Variants in CCDC3 observed in about 807,000 individuals in gnomAD.
CCDC3 encodes coiled-coil domain-containing protein 3.
In CCDC3, 24 loss-of-function variants were observed where a neutral mutation model predicts 21.4. The observed-to-expected ratio is 1.12, with a 90% CI of 0.81 to 1.58. The LOEUF is 1.58. Among genes scored for constraint, CCDC3 ranks in the 40% most tolerant of loss-of-function variants. The pLI, the probability that CCDC3 is intolerant of heterozygous loss-of-function variation, is 0.00. For missense variants in CCDC3, 425 were observed against 360.9 expected (o/e 1.18, Z -1.44); for synonymous variants, 186 against 166.0 (o/e 1.12, Z -0.93).
chr10:12,901,467 G>A (rs908782976), intron 2 of CCDC3, among the ~76,000 whole-genome samples: 4 of 152,030 alleles, frequency 2.6e-5, no homozygotes, highest in African/African-American at 9.7e-5. Flanking sequence ...TAGAGATGGG[G>A]TTTCACCATA....
intron 2 of CCDC3, among the ~76,000 whole-genome samples, chr10:12,989,352 A>G (rs1835646595): frequency 6.6e-6 from 1 of 152,236 alleles, no homozygotes; most frequent in South Asian, 2.1e-4. Context: ...CCAGAGCAGC[A>G]GTTCCCCAAG....
intron 2 of CCDC3, among the ~76,000 whole-genome samples, chr10:12,949,612 T>A (rs1172699880): frequency 6.6e-6 from 1 of 152,204 alleles, no homozygotes; most frequent in Non-Finnish European, 1.5e-5. Context: ...ACACACTACT[T>A]TCCCCAACAA....
chr10:13,044,032 T>C (rs2131420308), intron 5 of CCDC3, among the ~76,000 whole-genome samples: 1 of 152,318 alleles, frequency 6.6e-6, no homozygotes, highest in African/African-American at 2.4e-5. Flanking sequence ...TTTTTTTGAC[T>C]TTTTAATAAT....
intron 2 of CCDC3, among the ~76,000 whole-genome samples, chr10:12,939,738 G>A (rs192293364): frequency 3.9e-5 from 6 of 152,176 alleles, no homozygotes; most frequent in African/African-American, 1.4e-4. Flanking sequence ...TGCTTGATAT[G>A]ACATATTCTG....
rs995286940 is a variant in CCDC3 at position 12,955,459 on chromosome 10, G to A, written c.549+42879C>T. On this transcript the variant is annotated intron_variant, in intron 2 of 2. Transcript: ENST00000378825. ...TTCCAGGCCTGCCCACAGTTATTAT[G>A]GGGCAAGGTGTTGGGATAGAGGAAA... is the stretch of plus-strand genomic sequence containing the variant. Among the ~76,000 whole-genome samples the A allele has an allele frequency of 5.9e-5, 9 of 152,312 alleles. No individual in the cohort carries two copies. In the South Asian group the frequency reaches 6.2e-4, roughly 11 times the overall value.
rs189911306 is a variant in CCDC3, at chr10:12,931,985, G to C, written c.550-33306C>G. 2.5e-3 allele frequency among the ~76,000 whole-genome samples: 378 copies of C among 152,290 alleles called. 3 individuals are homozygous for C. Among genetic ancestry groups the C allele is most frequent in the African/African-American group, 8.6e-3 (357 of 41,552 alleles). ...TGAATGGAAAATGTAGATTTCTCTT[G>C]TACCTCCTGTTCCCACATATGTGCA... On this transcript the variant is annotated intron_variant, in intron 2 of 2. Coordinates refer to ENST00000378825, the MANE Select transcript of CCDC3 (RefSeq NM_031455.4).
In CCDC3 at chr10:13,079,271, C is replaced by T. The variant is rs114512760; in HGVS notation, c.-502-5171G>A. Among the ~76,000 whole-genome samples, 31 of 12,016 alleles carry T rather than the reference C, an allele frequency of 2.6e-3. No homozygotes were observed. In the East Asian group the frequency reaches 0.3, roughly 116 times the overall value. 7.9% of individuals were successfully genotyped at this position (12,016 alleles called of 152,430 possible). A position where few individuals can be genotyped will look rare whatever the true frequency, so the allele number is the denominator to read the frequency against. ...TCTAGTCCTCTCTCATGAGGAGGCACGCGTTGTGGCCTTAGGGGTAAGGAA... is the reference window on the plus strand; with the variant it reads ...TCTAGTCCTCTCTCATGAGGAGGCATGCGTTGTGGCCTTAGGGGTAAGGAA... On this transcript the variant is annotated intron_variant, in intron 3 of 6. Transcript: ENST00000378839.
At chr10:13,001,004 G>A (rs995180021) in intron 1 of CCDC3, among the ~76,000 whole-genome samples, 193 bp downstream of exon 1, 1 of 152,198 alleles carries the variant, frequency 6.6e-6, no homozygotes, top group Non-Finnish European at 1.5e-5. Context: ...TTAACCAGGG[G>A]TAGTCAGGAT....
chr10:13,076,977 C>T (rs1213423354), intron 3 of CCDC3, among the ~76,000 whole-genome samples: 1 of 152,138 alleles, frequency 6.6e-6, no homozygotes, highest in Non-Finnish European at 1.5e-5. Context: ...TCTCACCACT[C>T]CTATTACACA....
chr10:13,092,493 G>T (rs1046178545), intron 3 of CCDC3, among the ~76,000 whole-genome samples: 9 of 152,168 alleles, frequency 5.9e-5, no homozygotes, highest in African/African-American at 2.2e-4. Context: ...AATTGTCTCT[G>T]CAAGAAGTCT....
intron 5 of CCDC3, among the ~76,000 whole-genome samples, chr10:13,028,689 C>T (rs4418694): frequency 0.13 from 19,933 of 152,134 alleles, 1,435 homozygotes; most frequent in Middle Eastern, 0.19. Flanking sequence ...CCCCACACGC[C>T]AAACAACTGG....
chr10:13,042,634 C>T (rs954934121), intron 5 of CCDC3, among the ~76,000 whole-genome samples: 3 of 150,666 alleles, frequency 2.0e-5, no homozygotes, highest in Non-Finnish European at 3.0e-5. Context: ...CTCAGCCGGG[C>T]GTGGTGGCTC....
chr10:12,931,572 C>T (rs1450970149), intron 2 of CCDC3, among the ~76,000 whole-genome samples: 1 of 152,214 alleles, frequency 6.6e-6, no homozygotes, highest in East Asian at 1.9e-4. Context: ...TCTATAGCTG[C>T]TTTTGGCAGA....
At chr10:13,024,795 T>C (rs1227121017) in intron 5 of CCDC3, among the ~76,000 whole-genome samples, 2 of 152,190 alleles carry the variant, frequency 1.3e-5, no homozygotes, top group Non-Finnish European at 2.9e-5. Flanking sequence ...TTATTAGGTA[T>C]GTTTTCTATT....
At chr10:12,960,111 G>A (rs1482894925) in intron 2 of CCDC3, among the ~76,000 whole-genome samples, 1 of 151,748 alleles carries the variant, frequency 6.6e-6, no homozygotes, top group Non-Finnish European at 1.5e-5. Context: ...CCGAGATCGT[G>A]CCACTGCATT....
intron 5 of CCDC3, among the ~76,000 whole-genome samples, chr10:13,031,612 G>GAAGAA (rs1836302975): frequency 2.0e-5 from 3 of 151,076 alleles, no homozygotes; most frequent in Admixed American, 1.3e-4. Context: ...GACTAATAAA[G>GAAGAA]AAGAGAGAAG....
At chr10:12,957,263 C>A (rs1835103448) in intron 2 of CCDC3, among the ~76,000 whole-genome samples, 1 of 152,164 alleles carries the variant, frequency 6.6e-6, no homozygotes, top group Admixed American at 6.5e-5. Context: ...CCTCTTCCTC[C>A]TTTTAAGACA....
intron 5 of CCDC3, among the ~76,000 whole-genome samples, chr10:13,041,599 G>C (rs2668914): frequency 0.77 from 111,337 of 144,342 alleles, 44,769 homozygotes; most frequent in Non-Finnish European, 0.88. Flanking sequence ...AATCTCGGCT[G>C]ACTGCAACCT....
chr10:12,945,576 C>T (rs1003393463), intron 2 of CCDC3, among the ~76,000 whole-genome samples: 20 of 152,066 alleles, frequency 1.3e-4, no homozygotes, highest in African/African-American at 4.6e-4. Context: ...CAAAAGTACG[C>T]TGATACAAAA....
Sources: allele counts gnomAD v4.1 joint callset (sites outside exome capture counted in the v4.1 genomes callset), GRCh38; gene constraint gnomAD v4.1.1; transcripts MANE v1.5; gene names NCBI Gene and HGNC (gene_info 2026-07-23, HGNC 2026-07-21).